The following CNTNAP5 variants were observed in gnomAD, a reference collection of about 807,000 sequenced individuals.
CNTNAP5 encodes contactin-associated protein-like 5.
In CNTNAP5, 72 loss-of-function variants were observed where a neutral mutation model predicts 150.2. The observed-to-expected ratio is 0.48, with a 90% CI of 0.40 to 0.58. CNTNAP5 has a LOEUF of 0.58. CNTNAP5 is among the 20% of genes least tolerant of loss of function. The probability of loss-of-function intolerance (pLI) is 0.00; values close to 1 mark genes in which losing one functional copy is unlikely to be tolerated. For synonymous variants in CNTNAP5, 672 were observed against 619.8 expected, an observed-to-expected ratio of 1.08 and a Z score of -1.25; for missense variants, 1,636 against 1,626.2, an observed-to-expected ratio of 1.01 and a Z score of -0.10.
chr2:124,900,100 C>T lies in CNTNAP5; in HGVS notation c.3437-2782C>T, dbSNP rs1003732550. Among the ~76,000 whole-genome samples, 10 of 151,160 alleles carry T rather than the reference C, an allele frequency of 6.6e-5. No individual in the cohort carries two copies. In the South Asian group the frequency reaches 1.5e-3, roughly 22 times the overall value. On this transcript the variant is annotated intron_variant, in intron 21 of 23. Transcript: ENST00000682447. Reference sequence around the variant, plus strand: ...TCTTCAGTACATCTTTGAACTTCTTCGAGTCCTAGTTACTTCATTTGTAAA... The same window carrying T: ...TCTTCAGTACATCTTTGAACTTCTTTGAGTCCTAGTTACTTCATTTGTAAA...
At chr2:124,661,668 G>A (rs1678594482) in intron 13 of CNTNAP5, among the ~76,000 whole-genome samples, 1 of 151,716 alleles carries the variant, frequency 6.6e-6, no homozygotes, top group African/African-American at 2.4e-5. Context: ...TTATTATAAA[G>A]TATTATGTAC....
In CNTNAP5 at chr2:124,915,993, A is replaced by G. The variant is rs747340361; in HGVS notation, c.*1705A>G. Among the ~76,000 whole-genome samples, 1 of 152,098 alleles carries G rather than the reference A, an allele frequency of 6.6e-6. No individual in the cohort carries two copies. The highest frequency in any genetic ancestry group is 1.5e-5 in the Non-Finnish European group (1 of 67,980). ...ATTTGCCATCCTTGACAGTTAGCAGACATTCCAACTTGTGCTTAGGGTACA... is the reference window on the plus strand; with the variant it reads ...ATTTGCCATCCTTGACAGTTAGCAGGCATTCCAACTTGTGCTTAGGGTACA... On this transcript the variant is annotated 3_prime_UTR_variant, in exon 24 of 24. Transcript: ENST00000682447.
At chr2:124,329,636 A>G (rs1689300264) in intron 3 of CNTNAP5, among the ~76,000 whole-genome samples, 1 of 152,176 alleles carries the variant, frequency 6.6e-6, no homozygotes, top group African/African-American at 2.4e-5. Flanking sequence ...GTGAAGAAAA[A>G]AAACATATAT....
chr2:124,388,868 G>C (rs564290369), intron 3 of CNTNAP5, among the ~76,000 whole-genome samples: 2 of 152,012 alleles, frequency 1.3e-5, no homozygotes, highest in African/African-American at 4.8e-5. Flanking sequence ...TTTAGGAGAG[G>C]CAACGTTTCA....
In CNTNAP5 at chr2:124,647,690, C is replaced by A; in HGVS notation, c.1877-68C>A. 1.0e-5 allele frequency: 15 copies of A among 1,443,718 alleles called. No individual in the cohort carries two copies. In the South Asian group the frequency reaches 1.1e-4, roughly 11 times the overall value. 89.4% of individuals were successfully genotyped at this position (1,443,718 alleles called of 1,614,324 possible). A position where few individuals can be genotyped will look rare whatever the true frequency, so the allele number is the denominator to read the frequency against. On this transcript the variant is annotated intron_variant, in intron 12 of 23. Coordinates refer to ENST00000682447, the MANE Select transcript of CNTNAP5 (RefSeq NM_001367498.1). ...GTTGCACGCTGAGTGGCCCATCACA[C>A]TGCTCACATGCTCCATTTTTGACAT... is the stretch of plus-strand genomic sequence containing the variant.
intron 13 of CNTNAP5, among the ~76,000 whole-genome samples, chr2:124,677,171 G>A (rs1040517285): frequency 5.3e-5 from 8 of 152,122 alleles, no homozygotes; most frequent in Admixed American, 3.9e-4. Flanking sequence ...GTGGGTTCAC[G>A]GTCTCACTGA....
intron 1 of CNTNAP5, among the ~76,000 whole-genome samples, chr2:124,042,737 T>C (rs1463075189): frequency 6.6e-6 from 1 of 152,190 alleles, no homozygotes; most frequent in Admixed American, 6.5e-5. Context: ...TTCTGTCAAA[T>C]TTTTTCTTTT....
chr2:124,436,510 C>T (rs1692535199), intron 5 of CNTNAP5, among the ~76,000 whole-genome samples: 1 of 152,216 alleles, frequency 6.6e-6, no homozygotes, highest in African/African-American at 2.4e-5. Context: ...ACATGAAAAC[C>T]AAGAGCACTG....
At chr2:124,600,649 C>T (rs12990799) in intron 11 of CNTNAP5, among the ~76,000 whole-genome samples, 59,528 of 151,086 alleles carry the variant, frequency 0.39, 12,850 homozygotes, top group Non-Finnish European at 0.49. Context: ...TGACACAACT[C>T]GAATCCACCA....
intron 7 of CNTNAP5, among the ~76,000 whole-genome samples, chr2:124,480,639 C>G (rs1460121818): frequency 2.0e-5 from 3 of 152,172 alleles, no homozygotes; most frequent in African/African-American, 7.2e-5. Context: ...CCTATAATCT[C>G]TTTAGCTTGT....
chr2:124,155,389 G>T (rs1390435130), intron 1 of CNTNAP5, among the ~76,000 whole-genome samples: 1 of 151,874 alleles, frequency 6.6e-6, no homozygotes, highest in Non-Finnish European at 1.5e-5. Context: ...CTGAATCCGT[G>T]GTCTGTGTCT....
intron 7 of CNTNAP5, among the ~76,000 whole-genome samples, chr2:124,490,521 A>C (rs551640098): frequency 3.3e-5 from 5 of 152,240 alleles, no homozygotes; most frequent in African/African-American, 1.2e-4. Context: ...TGAACAATAA[A>C]GATCAGTATA....
chr2:124,837,160 AT>A (rs1490658125), intron 19 of CNTNAP5, among the ~76,000 whole-genome samples: 1 of 150,956 alleles, frequency 6.6e-6, no homozygotes, highest in Non-Finnish European at 1.5e-5. Context: ...AAAAGATAGG[AT>A]TTTCCAGAGT....
At chr2:124,495,172 TCATATA>T (rs1694116062) in intron 7 of CNTNAP5, among the ~76,000 whole-genome samples, 1 of 152,176 alleles carries the variant, frequency 6.6e-6, no homozygotes, top group Admixed American at 6.5e-5. Context: ...AAATAGTTTT[TCATATA>T]CATATACCAT....
At position 124,901,487 on chromosome 2, in the gene CNTNAP5, A is replaced by T. The variant is rs2104758234; in HGVS notation, c.3437-1395A>T. 1.3e-5 allele frequency among the ~76,000 whole-genome samples: 2 copies of T among 152,316 alleles called. 1 individual carries two copies. On this transcript the variant is annotated intron_variant, in intron 21 of 23. Transcript: ENST00000682447. ...TGTAACATTGCTTGCCTTGAAATAGAGAAGGAGTCTACAGAAGCCATGGGA... is the reference window on the plus strand; with the variant it reads ...TGTAACATTGCTTGCCTTGAAATAGTGAAGGAGTCTACAGAAGCCATGGGA...
At chr2:124,885,611 C>G (rs537133726) in intron 21 of CNTNAP5, among the ~76,000 whole-genome samples, 36 of 150,888 alleles carry the variant, frequency 2.4e-4, no homozygotes, top group African/African-American at 8.8e-4. Flanking sequence ...ATTAAACAGT[C>G]ACATCTCATC....
intron 5 of CNTNAP5, among the ~76,000 whole-genome samples, chr2:124,443,167 C>T (rs1330446191): frequency 3.3e-5 from 5 of 151,278 alleles, no homozygotes; most frequent in Non-Finnish European, 5.9e-5. Context: ...TAAATAGAAA[C>T]ATCTAAATTT....
chr2:124,193,790 G>C (rs1002939242), intron 1 of CNTNAP5, among the ~76,000 whole-genome samples: 1 of 152,036 alleles, frequency 6.6e-6, no homozygotes, highest in African/African-American at 2.4e-5. Context: ...CTGAATTCCA[G>C]ACCTGAGGTT....
At chr2:124,246,568 G>T (rs553586846) in intron 3 of CNTNAP5, among the ~76,000 whole-genome samples, 17 of 152,186 alleles carry the variant, frequency 1.1e-4, no homozygotes, top group African/African-American at 4.1e-4. Flanking sequence ...TGGTAAAGTG[G>T]GTAAACTTGT....
Sources: gnomAD v4.1 joint callset for allele counts (sites outside exome capture counted in the v4.1 genomes callset) on GRCh38, gnomAD v4.1.1 for gene constraint, MANE v1.5 for transcripts, NCBI Gene and HGNC (gene_info 2026-07-23, HGNC 2026-07-21) for gene names.